The following RUVBL1 variants were observed in gnomAD, a reference collection of about 807,000 sequenced individuals.
RUVBL1 encodes the protein RuvB like AAA ATPase 1.
RUVBL1 carries 4 observed loss-of-function variants against 52.4 expected under a neutral mutation model. The observed-to-expected ratio is 0.08, with a 90% CI of 0.04 to 0.17. The LOEUF is 0.17. Ranked by LOEUF, RUVBL1 falls within the 10% of genes least tolerant of loss-of-function variation. The pLI is 1.00. For synonymous variants in RUVBL1, 217 were observed against 214.4 expected, an observed-to-expected ratio of 1.01 and a Z score of -0.10; for missense variants, 298 against 572.8, an observed-to-expected ratio of 0.52 and a Z score of 4.90.
chr3:128,153,715 G>C (rs761839536), exon 1 of RUVBL1: 1 of 1,584,930 alleles, frequency 6.3e-7, no homozygotes, highest in South Asian at 1.1e-5. Context: ...GTCTTTGCCC[G>C]AGTTCCAGGC....
At chr3:128,089,674 G>A (rs1357411480) in intron 8 of RUVBL1, among the ~76,000 whole-genome samples, 1 of 152,118 alleles carries the variant, frequency 6.6e-6, no homozygotes, top group Non-Finnish European at 1.5e-5. Context: ...AACATGCAAA[G>A]TGAAATAAGT....
intron 8 of RUVBL1, among the ~76,000 whole-genome samples, chr3:128,090,332 C>CCATCCTGGCTAA (rs1476012429): frequency 8.4e-4 from 127 of 152,078 alleles, no homozygotes; most frequent in African/African-American, 2.6e-3. Context: ...GAGATTGAGA[C>CCATCCTGGCTAA]CACGGTGAAA....
At position 128,067,379 on chromosome 3, in the gene RUVBL1, AATGAAG is replaced by A; in HGVS notation, c.940-2165_940-2160del. The A allele has an allele frequency of 6.3e-7, 1 of 1,575,946 alleles. No homozygotes were observed. Among genetic ancestry groups the A allele is most frequent in the South Asian group, 1.2e-5 (1 of 86,064 alleles). On this transcript the variant is annotated intron_variant, in intron 9 of 9. Transcript: ENST00000464873. The surrounding 1 kb of genome is among the most constrained non-coding windows in gnomAD (Gnocchi z 4.1). Reference sequence around the variant, plus strand: ...TATTTTTGCCTTGATGCTAAAGTAAAATGAAGGAGCACTCACATGCGTTTGGTTTCT... The same window carrying A: ...TATTTTTGCCTTGATGCTAAAGTAAAGAGCACTCACATGCGTTTGGTTTCT...
At chr3:128,150,706 T>C (rs1252132881) in intron 1 of RUVBL1, among the ~76,000 whole-genome samples, 14 of 125,896 alleles carry the variant, frequency 1.1e-4, no homozygotes, top group Non-Finnish European at 3.1e-5. Flanking sequence ...ATATTCTATA[T>C]ATATTCTATA....
chr3:128,134,033 G>A (rs1943916072), intron 1 of RUVBL1, among the ~76,000 whole-genome samples: 1 of 152,074 alleles, frequency 6.6e-6, no homozygotes, highest in South Asian at 2.1e-4. Context: ...AATCCTATCA[G>A]ATAAATTTAA....
At chr3:128,095,309 C>T (rs1356636678) in intron 8 of RUVBL1, among the ~76,000 whole-genome samples, 1 of 152,242 alleles carries the variant, frequency 6.6e-6, no homozygotes, top group Non-Finnish European at 1.5e-5. Flanking sequence ...ATTAGCAGAG[C>T]TCCCCAGCAG....
intron 4 of RUVBL1, among the ~76,000 whole-genome samples, chr3:128,104,505 T>C (rs1003996447): frequency 6.6e-6 from 1 of 152,216 alleles, no homozygotes; most frequent in Non-Finnish European, 1.5e-5. Flanking sequence ...AGAGGCAGTT[T>C]CTTGACTTAA....
Position 128,089,567 on chromosome 3 carries a change from G to A in RUVBL1, c.1017-1759C>T, listed in dbSNP as rs575883389. Among the ~76,000 whole-genome samples the A allele has an allele frequency of 2.9e-4, 44 of 152,266 alleles. 2 individuals carry two copies. The South Asian group carries it at 8.5e-3, about 29-fold the overall frequency. On this transcript the variant is annotated intron_variant, in intron 8 of 10. Coordinates refer to ENST00000322623, the MANE Select transcript of RUVBL1 (RefSeq NM_003707.3). ...ACTTTAGTAAAAATAAAATCTACCT[G>A]TTTAAATTCTATCCAGTTGAGGTAT... is the stretch of plus-strand genomic sequence containing the variant.
At chr3:128,113,065 A>G in intron 2 of RUVBL1, 45 bp from the exon 3 acceptor site, 1 of 1,602,344 alleles carries the variant, frequency 6.2e-7, no homozygotes, top group East Asian at 2.2e-5. Context: ...TCCTGAAAAC[A>G]TGACAGTTCA....
At chr3:128,106,578 C>T (rs1208393322) in intron 3 of RUVBL1, among the ~76,000 whole-genome samples, 1 of 152,176 alleles carries the variant, frequency 6.6e-6, no homozygotes, top group Admixed American at 6.5e-5. Flanking sequence ...CTTGCCTACC[C>T]CTCTGCAGAT....
intron 1 of RUVBL1, among the ~76,000 whole-genome samples, chr3:128,139,935 T>C (rs1431974331): frequency 6.6e-6 from 1 of 152,124 alleles, no homozygotes; most frequent in Non-Finnish European, 1.5e-5. Flanking sequence ...AAAACTATAG[T>C]TAGAATGAAT....
intron 1 of RUVBL1, among the ~76,000 whole-genome samples, chr3:128,119,662 T>A (rs1481421663): frequency 1.3e-5 from 2 of 152,132 alleles, no homozygotes; most frequent in African/African-American, 2.4e-5. Context: ...TCATCACTAC[T>A]ATGAAGAAAA....
At chr3:128,087,571 G>A (rs1241011543) in intron 9 of RUVBL1, 135 bp downstream of exon 9, 1 of 611,698 alleles carries the variant, frequency 1.6e-6, no homozygotes, top group Non-Finnish European at 2.9e-6. Context: ...AATGTGACTT[G>A]CTCGAGGCCA....
intron 1 of RUVBL1, among the ~76,000 whole-genome samples, chr3:128,129,499 G>A (rs62271719): frequency 4.9e-5 from 7 of 143,152 alleles, no homozygotes; most frequent in African/African-American, 1.7e-4. Context: ...CACCTACAGG[G>A]ACCAGGAAAA....
intron 1 of RUVBL1, among the ~76,000 whole-genome samples, chr3:128,136,420 G>A (rs1017395205): frequency 2.5e-4 from 38 of 152,230 alleles, no homozygotes; most frequent in African/African-American, 7.7e-4. Flanking sequence ...GAGCCCAGGA[G>A]TTTGAGACTA....
chr3:128,149,761 C>T (rs1944158668), intron 1 of RUVBL1, among the ~76,000 whole-genome samples: 2 of 152,192 alleles, frequency 1.3e-5, no homozygotes, highest in Admixed American at 1.3e-4. Context: ...ACAACCAGAG[C>T]CCACACAAGG....
At chr3:128,122,038 T>A (rs1034896980) in intron 1 of RUVBL1, among the ~76,000 whole-genome samples, 4 of 152,176 alleles carry the variant, frequency 2.6e-5, no homozygotes, top group Non-Finnish European at 5.9e-5. Flanking sequence ...CTGAGGTGGG[T>A]CTTAGGCATA....
At chr3:128,153,024 T>C (rs1287045665) in intron 1 of RUVBL1, among the ~76,000 whole-genome samples, 4 of 98,886 alleles carry the variant, frequency 4.0e-5, no homozygotes. Context: ...CCCCCCATGT[T>C]CCGTTTTTGT....
intron 9 of RUVBL1, among the ~76,000 whole-genome samples, chr3:128,087,098 A>G (rs1434825192): frequency 6.6e-6 from 1 of 152,250 alleles, no homozygotes; most frequent in African/African-American, 2.4e-5. Context: ...CAAGGACTCT[A>G]TTGCAAAGCC....
Sources: allele counts gnomAD v4.1 joint callset (sites outside exome capture counted in the v4.1 genomes callset), GRCh38; gene constraint gnomAD v4.1.1; non-coding constraint Gnocchi (gnomAD v3.1); transcripts MANE v1.5; gene names NCBI Gene and HGNC (gene_info 2026-07-23, HGNC 2026-07-21).